DSCAM: variants seen among roughly 807,000 people sequenced by gnomAD.
The protein encoded by DSCAM is cell adhesion molecule DSCAM.
In DSCAM, 47 loss-of-function variants were observed where a neutral mutation model predicts 217.7. The observed-to-expected ratio is 0.22, with a 90% CI of 0.17 to 0.28. The LOEUF (loss-of-function observed/expected upper bound fraction) is 0.28, where lower values mean the gene tolerates loss of function less well. Ranked by LOEUF, DSCAM falls within the 10% of genes least tolerant of loss-of-function variation. The pLI is 1.00. For missense variants in DSCAM, 2,080 were observed against 2,618.3 expected (o/e 0.79, Z 4.49); for synonymous variants, 1,056 against 1,015.3 (o/e 1.04, Z -0.76).
intron 19 of DSCAM, among the ~76,000 whole-genome samples, chr21:40,132,400 T>C (rs2090162675): frequency 6.6e-6 from 1 of 152,216 alleles, no homozygotes; most frequent in East Asian, 1.9e-4. Flanking sequence ...AATTAACTTA[T>C]GGCTGCCTTC....
At chr21:40,807,708 G>T (rs373546459) in intron 1 of DSCAM, among the ~76,000 whole-genome samples, 1 of 152,198 alleles carries the variant, frequency 6.6e-6, no homozygotes, top group Non-Finnish European at 1.5e-5. Context: ...TAAAAGTGCA[G>T]TTAGAACCAG....
At chr21:40,464,309 A>T (rs928230937) in intron 3 of DSCAM, among the ~76,000 whole-genome samples, 7 of 152,208 alleles carry the variant, frequency 4.6e-5, no homozygotes, top group Admixed American at 4.6e-4. Flanking sequence ...TGGAGCAGGG[A>T]GATTGACAAG....
At chr21:40,286,955 G>T (rs1157173084) in intron 10 of DSCAM, among the ~76,000 whole-genome samples, 1 of 149,794 alleles carries the variant, frequency 6.7e-6, no homozygotes, top group Non-Finnish European at 1.5e-5. Flanking sequence ...GTGATCCATG[G>T]TGTGATCTGC....
intron 3 of DSCAM, among the ~76,000 whole-genome samples, chr21:40,632,564 G>A (rs1416466354): frequency 6.6e-6 from 1 of 152,006 alleles, no homozygotes; most frequent in African/African-American, 2.4e-5. Context: ...AGTAAATGCT[G>A]GTTATTATCA....
Position 40,016,866 on chromosome 21 carries a change from G to A in DSCAM, c.5687-3480C>T, listed in dbSNP as rs146216625. 4.6e-5 allele frequency among the ~76,000 whole-genome samples: 7 copies of A among 152,244 alleles called. No individual in the cohort carries two copies. The highest frequency in any genetic ancestry group is 7.4e-5 in the Non-Finnish European group (5 of 68,016). ...ATAAGAGAACTGGCCTGTAATCCCC[G>A]CCCACTTTGGGAGGCCTAGGCAATG... On this transcript the variant is annotated intron_variant, in intron 32 of 32. Transcript: ENST00000400454. The surrounding 1 kb of genome is among the most constrained non-coding windows in gnomAD (Gnocchi z 4.3).
At chr21:40,598,735 C>T (rs2077040876) in intron 3 of DSCAM, among the ~76,000 whole-genome samples, 1 of 151,846 alleles carries the variant, frequency 6.6e-6, no homozygotes, top group Non-Finnish European at 1.5e-5. Flanking sequence ...GATCTCTTGA[C>T]CTTGTGATCT....
rs527648522 is a variant in DSCAM, at chr21:40,580,725, T to C, written c.508+112085A>G. On this transcript the variant is annotated intron_variant, in intron 3 of 32. Transcript: ENST00000400454. The stretch of plus-strand genomic sequence containing the variant: ...GAAAGGCGGGTGGGCTGGAAGACAA[T>C]CCAAGACCAAATGCAGTAAGTGGAA... Among the ~76,000 whole-genome samples, 38 of 152,042 alleles carry C rather than the reference T, an allele frequency of 2.5e-4. No individual in the cohort carries two copies. The South Asian group carries it at 6.4e-3, about 26-fold the overall frequency.
chr21:40,050,134 G>A (rs558124374), intron 30 of DSCAM, among the ~76,000 whole-genome samples: 158 of 152,288 alleles, frequency 1.0e-3, no homozygotes, highest in African/African-American at 3.6e-3. Flanking sequence ...CACCCAGGGT[G>A]TCTGTTACCA....
chr21:40,179,058 G>C lies in DSCAM; in HGVS notation c.2816C>G (p.Ser939Cys), dbSNP rs758563795. Reference protein sequence around the residue: ...WDSAQRTKDVSPQLNSATIID... With the variant: ...WDSAQRTKDVCPQLNSATIID... ...GATGGTGGCCGAGTTCAGCTGAGGG[G>C]AAACATCTTTGGTTCTCTGAGCAGA... is the stretch of plus-strand genomic sequence containing the variant. Residue 939 changes from serine (S) to cysteine (C), a missense_variant, in exon 15 of 33, where the codon TCC becomes TGC. This residue lies in a region of DSCAM where 1,144 missense variants were observed against 1,421.1 expected (regional missense o/e 0.81). Transcript: ENST00000400454. 6.2e-7 allele frequency: 1 copy of C among 1,614,014 alleles called. No individual in the cohort carries two copies. The highest frequency in any genetic ancestry group is 1.1e-5 in the South Asian group (1 of 91,070).
intron 3 of DSCAM, among the ~76,000 whole-genome samples, chr21:40,523,594 C>G (rs1284641300): frequency 1.3e-5 from 2 of 152,302 alleles, no homozygotes; most frequent in African/African-American, 4.8e-5. Flanking sequence ...CTGGCTCCCC[C>G]ATCTGCTGAG....
chr21:40,331,782 T>G (rs1287749043), intron 8 of DSCAM, among the ~76,000 whole-genome samples: 3 of 152,220 alleles, frequency 2.0e-5, no homozygotes, highest in African/African-American at 7.2e-5. Context: ...GCATGGCCAT[T>G]TCATCTCACT....
chr21:40,333,372 G>A (rs1486452257), intron 8 of DSCAM, among the ~76,000 whole-genome samples: 1 of 151,958 alleles, frequency 6.6e-6, no homozygotes, highest in Non-Finnish European at 1.5e-5. Flanking sequence ...CTGATCGATC[G>A]ATTGATTGAT....
chr21:40,397,704 C>T (rs528023840), intron 3 of DSCAM, among the ~76,000 whole-genome samples: 2 of 152,166 alleles, frequency 1.3e-5, no homozygotes, highest in South Asian at 4.2e-4. Flanking sequence ...GTTACCACTG[C>T]TGCTACCACT....
chr21:40,179,677 C>T (rs918885447), intron 14 of DSCAM, among the ~76,000 whole-genome samples: 2 of 152,148 alleles, frequency 1.3e-5, no homozygotes, highest in African/African-American at 4.8e-5. Context: ...TTTTTCAGTT[C>T]TATTTTTTGA....
At chr21:40,345,005 T>C (rs2074542850) in intron 6 of DSCAM, among the ~76,000 whole-genome samples, 1 of 152,218 alleles carries the variant, frequency 6.6e-6, no homozygotes, top group South Asian at 2.1e-4. Flanking sequence ...TTTTCTAAGA[T>C]TTATCTTCAA....
intron 3 of DSCAM, among the ~76,000 whole-genome samples, chr21:40,610,210 A>C (rs1235729433): frequency 6.6e-6 from 1 of 152,182 alleles, no homozygotes; most frequent in Admixed American, 6.5e-5. Flanking sequence ...GAAAGAAAAA[A>C]ATGCCCACAT....
chr21:40,055,953 A>G (rs115907659), intron 28 of DSCAM, 113 bp from the exon 29 acceptor site: 16,413 of 713,332 alleles, frequency 0.023, 330 homozygotes, highest in African/African-American at 0.06. Context: ...ATACCTTGTG[A>G]GGAGGGGAAC....
intron 2 of DSCAM, among the ~76,000 whole-genome samples, chr21:40,693,502 A>C (rs1222487906): frequency 1.3e-5 from 2 of 152,180 alleles, no homozygotes; most frequent in African/African-American, 4.8e-5. Flanking sequence ...ATGAGATAGG[A>C]AATAGCTTCA....
chr21:40,576,524 TA>T (rs1174658459), intron 3 of DSCAM, among the ~76,000 whole-genome samples: 1 of 152,076 alleles, frequency 6.6e-6, no homozygotes, highest in Non-Finnish European at 1.5e-5. Flanking sequence ...CATATTAAGC[TA>T]AAAAATGATC....
Sources: allele counts gnomAD v4.1 joint callset (sites outside exome capture counted in the v4.1 genomes callset), GRCh38; gene constraint gnomAD v4.1.1; regional missense constraint gnomAD v4.1.1; non-coding constraint Gnocchi (gnomAD v3.1); transcripts MANE v1.5; gene names NCBI Gene and HGNC (gene_info 2026-07-23, HGNC 2026-07-21).